The following CERS6 variants were observed in gnomAD, a reference collection of about 807,000 sequenced individuals.
The protein encoded by CERS6 is LAG1 homolog, ceramide synthase 6.
A neutral mutation model predicts 56.8 loss-of-function variants in CERS6; 26 were observed. The ratio of observed to expected loss-of-function variants is 0.46; its 90% CI spans 0.34 to 0.63. The LOEUF is 0.63. Among genes scored for constraint, CERS6 ranks in the 30% least tolerant of loss-of-function variants. The probability of loss-of-function intolerance (pLI) is 0.01; values close to 1 mark genes in which losing one functional copy is unlikely to be tolerated. For missense variants in CERS6, 415 were observed against 467.5 expected (o/e 0.89, Z 1.04); for synonymous variants, 164 against 173.3 (o/e 0.95, Z 0.42).
intron 2 of CERS6, among the ~76,000 whole-genome samples, chr2:168,553,527 T>C (rs766863060): frequency 2.6e-5 from 4 of 152,194 alleles, no homozygotes; most frequent in Non-Finnish European, 5.9e-5. Context: ...GGCCTTTCTA[T>C]AATAACATTT....
chr2:168,676,950 C>A (rs71430641), intron 4 of CERS6, among the ~76,000 whole-genome samples: 1 of 150,798 alleles, frequency 6.6e-6, no homozygotes, highest in East Asian at 1.9e-4. Context: ...TGTCTTGTTT[C>A]CTGCTAAGCC....
At chr2:168,670,966 TCCCCC>T (rs35335379) in intron 4 of CERS6, among the ~76,000 whole-genome samples, 5 of 30,518 alleles carry the variant, frequency 1.6e-4, no homozygotes, top group Admixed American at 6.0e-4. Context: ...GATACATGCT[TCCCCC>T]CCCCCCCCCA....
chr2:168,484,152 CTTTTTCT>C (rs1558966872), intron 1 of CERS6, among the ~76,000 whole-genome samples: 1 of 73,358 alleles, frequency 1.4e-5, no homozygotes, highest in East Asian at 3.4e-4. Context: ...TTTTCTTTTT[CTTTTTCT>C]TTTTTCTGTT....
At chr2:168,750,176 A>G (rs1349680676) in intron 8 of CERS6, among the ~76,000 whole-genome samples, 1 of 152,106 alleles carries the variant, frequency 6.6e-6, no homozygotes, top group Admixed American at 6.6e-5. Context: ...CCCACCTTCT[A>G]CCTTGCATCC....
chr2:168,712,431 T>C (rs1687114249), intron 6 of CERS6, among the ~76,000 whole-genome samples: 1 of 152,186 alleles, frequency 6.6e-6, no homozygotes, highest in South Asian at 2.1e-4. Context: ...ACAAGTAGTA[T>C]TAGAGAGTAC....
intron 8 of CERS6, among the ~76,000 whole-genome samples, chr2:168,721,525 A>G (rs1325632302): frequency 6.7e-6 from 1 of 149,676 alleles, no homozygotes; most frequent in East Asian, 2.0e-4. Context: ...GGAACTACCA[A>G]ATGTTCTTTT....
At position 168,466,883 on chromosome 2, in the gene CERS6, C is replaced by A. The variant is rs557631168; in HGVS notation, c.170+10265C>A. ...GAGATGCATTCCTTCACTAGGTAAC[C>A]TTTTGCACACAGTGACCTAAGAATA... On this transcript the variant is annotated intron_variant, in intron 1 of 9. Coordinates refer to ENST00000305747, the MANE Select transcript of CERS6 (RefSeq NM_203463.3). Among the ~76,000 whole-genome samples the A allele has an allele frequency of 2.0e-5, 3 of 152,272 alleles. No homozygotes were observed. In the South Asian group the frequency reaches 6.2e-4, roughly 32 times the overall value.
At chr2:168,752,595 G>T (rs1481693085) in intron 8 of CERS6, among the ~76,000 whole-genome samples, 1 of 152,130 alleles carries the variant, frequency 6.6e-6, no homozygotes, top group African/African-American at 2.4e-5. Flanking sequence ...TGGTGATGGG[G>T]TGCGAACAAG....
intron 1 of CERS6, among the ~76,000 whole-genome samples, chr2:168,461,157 T>TA (rs1693772729): frequency 6.6e-6 from 1 of 152,196 alleles, no homozygotes; most frequent in Non-Finnish European, 1.5e-5. Context: ...ACTGATCTGA[T>TA]ATATTTTAAA....
intron 1 of CERS6, among the ~76,000 whole-genome samples, chr2:168,478,401 G>T (rs1011008909): frequency 1.4e-4 from 21 of 152,148 alleles, no homozygotes; most frequent in Non-Finnish European, 2.1e-4. Context: ...CATGTTCCTT[G>T]TACAGACTTT....
intron 1 of CERS6, among the ~76,000 whole-genome samples, chr2:168,468,656 G>C (rs868243657): frequency 6.6e-6 from 1 of 152,230 alleles, no homozygotes; most frequent in Middle Eastern, 3.4e-3. Flanking sequence ...TTCAGAAATG[G>C]GACTTCACTG....
chr2:168,635,046 G>A (rs1684831799), intron 4 of CERS6, among the ~76,000 whole-genome samples: 1 of 152,178 alleles, frequency 6.6e-6, no homozygotes, highest in African/African-American at 2.4e-5. Flanking sequence ...TGTGCTTAGT[G>A]ATCCAGTTAA....
chr2:168,739,341 C>A (rs1321438360), intron 8 of CERS6, among the ~76,000 whole-genome samples: 1 of 151,950 alleles, frequency 6.6e-6, no homozygotes, highest in African/African-American at 2.4e-5. Flanking sequence ...AAGCTGACAC[C>A]ATGAGCAAAA....
intron 4 of CERS6, among the ~76,000 whole-genome samples, chr2:168,670,967 C>CG (rs1553506497): frequency 1.9e-4 from 2 of 10,626 alleles, no homozygotes; most frequent in Non-Finnish European, 8.9e-4. Context: ...ATACATGCTT[C>CG]CCCCCCCCCC....
intron 1 of CERS6, among the ~76,000 whole-genome samples, chr2:168,475,970 A>G (rs1221716788): frequency 6.6e-6 from 1 of 152,226 alleles, no homozygotes; most frequent in Non-Finnish European, 1.5e-5. Context: ...AGCCTAAGGC[A>G]CTAAGTTGGA....
chr2:168,603,518 T>C (rs1406661466), intron 3 of CERS6, among the ~76,000 whole-genome samples: 3 of 152,206 alleles, frequency 2.0e-5, no homozygotes, highest in Non-Finnish European at 4.4e-5. Context: ...TTACAAGAGA[T>C]TTTAATGTTC....
chr2:168,641,383 C>T (rs763145059), intron 4 of CERS6, among the ~76,000 whole-genome samples: 4 of 152,162 alleles, frequency 2.6e-5, no homozygotes, highest in African/African-American at 7.2e-5. Context: ...TTCCTCTGGA[C>T]GTTAGCAACT....
At chr2:168,656,796 C>T (rs1160086826) in intron 4 of CERS6, among the ~76,000 whole-genome samples, 1 of 152,158 alleles carries the variant, frequency 6.6e-6, no homozygotes, top group Non-Finnish European at 1.5e-5. Context: ...CTTATCTGGC[C>T]CCACCCACAT....
At chr2:168,533,589 G>A (rs1695206019) in intron 1 of CERS6, among the ~76,000 whole-genome samples, 1 of 152,136 alleles carries the variant, frequency 6.6e-6, no homozygotes, top group Non-Finnish European at 1.5e-5. Context: ...TCTGCTGTTA[G>A]TGTGGTGAGC....
Sources: allele counts gnomAD v4.1 joint callset (sites outside exome capture counted in the v4.1 genomes callset), GRCh38; gene constraint gnomAD v4.1.1; transcripts MANE v1.5; gene names NCBI Gene and HGNC (gene_info 2026-07-23, HGNC 2026-07-21).